EVL: variants seen among roughly 807,000 people sequenced by gnomAD.
EVL encodes the protein ena/VASP-like protein.
A neutral mutation model predicts 59.6 loss-of-function variants in EVL; 21 were observed. The ratio of observed to expected loss-of-function variants is 0.35; its 90% CI spans 0.25 to 0.51. The LOEUF (loss-of-function observed/expected upper bound fraction) is 0.51, where lower values mean the gene tolerates loss of function less well. EVL is among the 20% of genes least tolerant of loss of function. The pLI is 0.97. For synonymous variants in EVL, 198 were observed against 203.5 expected (o/e 0.97, Z 0.23); for missense variants, 462 against 546.6 (o/e 0.85, Z 1.54).
intron 1 of EVL, among the ~76,000 whole-genome samples, chr14:100,079,690 ACT>A (rs1567003366): frequency 6.6e-6 from 1 of 151,732 alleles, no homozygotes; most frequent in African/African-American, 2.4e-5. Context: ...ATGAATTTAC[ACT>A]CTGTCCTTCA....
At chr14:100,052,109 C>T (rs1334138925) in intron 1 of EVL, among the ~76,000 whole-genome samples, 1 of 152,220 alleles carries the variant, frequency 6.6e-6, no homozygotes, top group Non-Finnish European at 1.5e-5. Context: ...CATGGTGCAT[C>T]CCCATGCCTT....
At chr14:100,080,103 A>T (rs1281018041) in intron 1 of EVL, among the ~76,000 whole-genome samples, 1 of 150,978 alleles carries the variant, frequency 6.6e-6, no homozygotes, top group African/African-American at 2.4e-5. Flanking sequence ...TTCAACAGAC[A>T]TTCAAAAATG....
intron 1 of EVL, among the ~76,000 whole-genome samples, chr14:100,026,325 G>A (rs2061212075): frequency 6.7e-6 from 1 of 148,176 alleles, no homozygotes; most frequent in Non-Finnish European, 1.5e-5. Context: ...ATGAATGAAA[G>A]AAATGAGAAC....
intron 1 of EVL, among the ~76,000 whole-genome samples, chr14:100,012,744 T>C (rs2061024799): frequency 6.6e-6 from 1 of 152,246 alleles, no homozygotes; most frequent in Non-Finnish European, 1.5e-5. Flanking sequence ...GTGGTGGTTT[T>C]ACTTTTTCTC....
At chr14:100,022,126 G>A (rs1287120098) in intron 1 of EVL, among the ~76,000 whole-genome samples, 1 of 152,004 alleles carries the variant, frequency 6.6e-6, no homozygotes, top group African/African-American at 2.4e-5. Context: ...ATGAATTACA[G>A]CAGTTCTTCC....
chr14:100,061,601 A>G (rs186784054), upstream of EVL, among the ~76,000 whole-genome samples: 3 of 152,070 alleles, frequency 2.0e-5, no homozygotes, highest in Admixed American at 6.5e-5. Context: ...GACTTGAACA[A>G]TCCCGGGGTT....
chr14:100,047,541 A>G (rs2061573650), intron 1 of EVL, among the ~76,000 whole-genome samples: 1 of 152,068 alleles, frequency 6.6e-6, no homozygotes, highest in African/African-American at 2.4e-5. Flanking sequence ...TTCCTCAGCC[A>G]GTTGTCAGAT....
chr14:100,107,559 T>G, intron 3 of EVL: 1 of 350,754 alleles, frequency 2.9e-6, no homozygotes, highest in Non-Finnish European at 5.1e-6. Context: ...AAAGATCACT[T>G]TTTCCAGGCC....
intron 1 of EVL, among the ~76,000 whole-genome samples, chr14:100,028,122 TTTTG>T (rs150168613): frequency 4.8e-4 from 65 of 135,304 alleles, no homozygotes; most frequent in African/African-American, 1.5e-3. Flanking sequence ...TTAGTTGTTT[TTTTG>T]TTTGTTTGTT....
intron 3 of EVL, among the ~76,000 whole-genome samples, chr14:100,122,909 C>T (rs547343740): frequency 1.4e-4 from 21 of 152,328 alleles, no homozygotes; most frequent in African/African-American, 4.3e-4. Flanking sequence ...GAAAGTTCCA[C>T]ACCAGTCTAG....
chr14:99,983,732 C>T (rs1268252992), intron 1 of EVL, among the ~76,000 whole-genome samples: 1 of 152,186 alleles, frequency 6.6e-6, no homozygotes, highest in Admixed American at 6.5e-5. Context: ...AAGTTGATCT[C>T]AGTCTAGCTG....
intron 13 of EVL, chr14:100,142,092 A>G: frequency 3.8e-6 from 1 of 262,112 alleles, no homozygotes; most frequent in Admixed American, 4.6e-5. Context: ...AGACCCCAGC[A>G]TCGTTCCAGA....
In EVL at chr14:100,036,319, T is replaced by C. The variant is rs557591454; in HGVS notation, c.6-48368T>C. Among the ~76,000 whole-genome samples, 5 of 152,330 alleles carry C rather than the reference T, an allele frequency of 3.3e-5. 1 individual carries two copies. The South Asian group carries it at 8.3e-4, about 25-fold the overall frequency. ...CAAAAAAAGTTGGGGACCGCTGCTCTATGGGACTTGAGCTAGAACTATTAT... is the reference window on the plus strand; with the variant it reads ...CAAAAAAAGTTGGGGACCGCTGCTCCATGGGACTTGAGCTAGAACTATTAT... On this transcript the variant is annotated intron_variant, in intron 1 of 13. Transcript: ENST00000402714.
Position 100,128,704 on chromosome 14 carries a change from C to A in EVL, c.673C>A (p.Leu225Met). ...SSHDESSMSG[L>M]AAAIAGAKLR... is the part of the protein sequence containing the mutation. Reference sequence around the variant, plus strand: ...CCACGACGAGAGCTCCATGTCAGGACTGGCCGCTGCCATAGCTGGGGCCAA... The same window carrying A: ...CCACGACGAGAGCTCCATGTCAGGAATGGCCGCTGCCATAGCTGGGGCCAA... The change falls in exon 6 of 14, where the codon CTG (leucine) becomes ATG (methionine). Residue 225 changes from leucine (L) to methionine (M), a missense_variant. Physicochemically the swap from Leu to Met is conservative, Grantham distance 15 (BLOSUM62 2). Coordinates refer to ENST00000392920, the MANE Select transcript of EVL (RefSeq NM_016337.3). 1 of 1,607,006 alleles carries A rather than the reference C, an allele frequency of 6.2e-7. No individual in the cohort carries two copies.
At chr14:100,047,004 C>T (rs1374571109) in intron 1 of EVL, among the ~76,000 whole-genome samples, 3 of 151,384 alleles carry the variant, frequency 2.0e-5, no homozygotes, top group Admixed American at 6.6e-5. Flanking sequence ...CCACCCGCCT[C>T]GGCCTCCCAA....
At position 100,109,538 on chromosome 14, in the gene EVL, A is replaced by T. The variant is rs1410306933; in HGVS notation, c.358+11880A>T. ...GTGTCTGGTGACTGAACAAGCTCCC[A>T]GCTTGCGCCCATGTCATATTGTGTG... is the stretch of plus-strand genomic sequence containing the variant. On this transcript the variant is annotated intron_variant, in intron 3 of 13. Coordinates refer to ENST00000392920, the MANE Select transcript of EVL (RefSeq NM_016337.3). This position sits in a 1 kb window ranked among gnomAD's most constrained non-coding sequence, Gnocchi z 4.3. 4.2e-6 allele frequency: 2 copies of T among 470,778 alleles called. No homozygotes were observed. The highest frequency in any genetic ancestry group is 3.1e-5 in the South Asian group (2 of 64,562). The allele number at this position is 470,778 out of a possible 1,614,324, so 29.2% of individuals were successfully genotyped here.
At position 100,043,677 on chromosome 14, in the gene EVL, A is replaced by G. The variant is rs906880713; in HGVS notation, c.6-41010A>G. Among the ~76,000 whole-genome samples the G allele has an allele frequency of 6.0e-5, 9 of 150,862 alleles. No homozygotes were observed. In the South Asian group the frequency reaches 1.5e-3, roughly 25 times the overall value. ...GCCTAGGCTGGAGTACAGTGGCACAATCATGGCACACTGTAGCCTCATGCT... is the reference window on the plus strand; with the variant it reads ...GCCTAGGCTGGAGTACAGTGGCACAGTCATGGCACACTGTAGCCTCATGCT... On this transcript the variant is annotated intron_variant, in intron 1 of 13. Coordinates refer to the EVL transcript ENST00000402714.
At chr14:100,120,493 G>A (rs190437642) in intron 3 of EVL, among the ~76,000 whole-genome samples, 1 of 152,216 alleles carries the variant, frequency 6.6e-6, no homozygotes, top group African/African-American at 2.4e-5. Context: ...CATGGGCACC[G>A]GTTGGTGAGA....
rs1595532653 is a variant in EVL at position 99,972,194 on chromosome 14, G to A, written c.5+137G>A. The stretch of plus-strand genomic sequence containing the variant: ...GCTTCCAGAGAACCGCGGGGGCTCT[G>A]CAGAGATTCGGGGGCATTCAGAGCG... On this transcript the variant is annotated intron_variant, in intron 1 of 13. Coordinates refer to the EVL transcript ENST00000402714. The surrounding 1 kb of genome is among the most constrained non-coding windows in gnomAD (Gnocchi z 4.4). 1 of 195,464 alleles carries A rather than the reference G, an allele frequency of 5.1e-6. No individual in the cohort carries two copies. The highest frequency in any genetic ancestry group is 1.0e-4 in the East Asian group (1 of 10,006). 12.1% of individuals were successfully genotyped at this position (195,464 alleles called of 1,614,324 possible).
Sources: allele counts gnomAD v4.1 joint callset (sites outside exome capture counted in the v4.1 genomes callset), GRCh38; gene constraint gnomAD v4.1.1; non-coding constraint Gnocchi (gnomAD v3.1); transcripts MANE v1.5; gene names NCBI Gene and HGNC (gene_info 2026-07-23, HGNC 2026-07-21).